DPYSL4: variants seen among roughly 807,000 people sequenced by gnomAD.
DPYSL4 encodes the protein dihydropyrimidinase-related protein 4.
In DPYSL4, 43 loss-of-function variants were observed where a neutral mutation model predicts 63.4. That is an observed-to-expected ratio of 0.68 (90% CI 0.53 to 0.88). The LOEUF is 0.88. Ranked by LOEUF, DPYSL4 falls within the 40% of genes least tolerant of loss-of-function variation. The probability of loss-of-function intolerance (pLI) is 0.00; values close to 1 mark genes in which losing one functional copy is unlikely to be tolerated. For missense variants in DPYSL4, 733 were observed against 819.5 expected (o/e 0.89, Z 1.29); for synonymous variants, 353 against 331.7 (o/e 1.06, Z -0.70).
chr10:132,188,144 G>T (rs1392437852), intron 1 of DPYSL4, among the ~76,000 whole-genome samples: 1 of 152,172 alleles, frequency 6.6e-6, no homozygotes, highest in East Asian at 1.9e-4. Flanking sequence ...GCATGTGGGG[G>T]TCGAGTTTGG....
chr10:132,202,556 T>G, intron 11 of DPYSL4, 90 bp from the exon 12 acceptor site: 1 of 1,536,590 alleles, frequency 6.5e-7, no homozygotes, highest in Non-Finnish European at 8.8e-7. Context: ...TGCTCCACGC[T>G]GGGCGGCCAC....
intron 4 of DPYSL4, among the ~76,000 whole-genome samples, chr10:132,196,636 G>T (rs1030767721): frequency 2.0e-5 from 3 of 152,228 alleles, no homozygotes; most frequent in Non-Finnish European, 4.4e-5. Context: ...CGGAGCACAG[G>T]AGCAGGCAAG....
Position 132,201,119 on chromosome 10 carries a change from G to A in DPYSL4, c.1110+136G>A, listed in dbSNP as rs570392130. ...CAGAGCACACGGGCTCCGGGGTGGCGGATTCCCCACCCAGGGCGCCTCAGA... is the reference window on the plus strand; with the variant it reads ...CAGAGCACACGGGCTCCGGGGTGGCAGATTCCCCACCCAGGGCGCCTCAGA... On this transcript the variant is annotated intron_variant, in intron 10 of 13. Coordinates refer to ENST00000338492, the MANE Select transcript of DPYSL4 (RefSeq NM_006426.3). 1.6e-3 allele frequency: 2,176 copies of A among 1,318,976 alleles called. 30 individuals are homozygous for A. In the South Asian group the frequency reaches 0.019, roughly 11 times the overall value. The allele number at this position is 1,318,976 out of a possible 1,614,324, so 81.7% of individuals were successfully genotyped here. A position where few individuals can be genotyped will look rare whatever the true frequency, so the allele number is the denominator to read the frequency against.
In DPYSL4 at chr10:132,195,015, G is replaced by A. The variant is rs751804882; in HGVS notation, c.478+6G>A. ...GGCCCTGGTCAAGGAGAAGGGTGAG[G>A]GTGGCTGGAGGGGCTGGAGGGCGGG... On this transcript the variant is annotated splice_donor_region_variant and intron_variant, in intron 4 of 13. Transcript: ENST00000338492. The A allele has an allele frequency of 1.2e-6, 2 of 1,600,182 alleles. No homozygotes were observed. The highest frequency in any genetic ancestry group is 1.7e-6 in the Non-Finnish European group (2 of 1,179,174).
intron 1 of DPYSL4, among the ~76,000 whole-genome samples, chr10:132,188,644 C>T (rs2818423): frequency 0.089 from 13,541 of 152,250 alleles, 662 homozygotes; most frequent in Middle Eastern, 0.13. Flanking sequence ...ACAACCAGCC[C>T]GAGAGTAAAT....
At chr10:132,198,305 C>G (rs545259564) in intron 6 of DPYSL4, 110 bp from the exon 7 acceptor site, 1 of 1,039,266 alleles carries the variant, frequency 9.6e-7, no homozygotes, top group East Asian at 2.6e-5. Flanking sequence ...TCTGGGAGGC[C>G]TGGGGGTCCA....
At chr10:132,188,270 G>GCCCCACA (rs1370597294) in intron 1 of DPYSL4, among the ~76,000 whole-genome samples, 2 of 152,310 alleles carry the variant, frequency 1.3e-5, no homozygotes, top group African/African-American at 2.4e-5. Flanking sequence ...GAAGAGCACA[G>GCCCCACA]CCCCACACCC....
chr10:132,188,884 T>A (rs1422649038), intron 1 of DPYSL4, among the ~76,000 whole-genome samples: 1 of 152,130 alleles, frequency 6.6e-6, no homozygotes, highest in East Asian at 1.9e-4. Context: ...TGAAGAGAGG[T>A]AGAGGGTTGG....
intron 1 of DPYSL4, 120 bp downstream of exon 1, chr10:132,187,222 C>A: frequency 9.1e-6 from 6 of 659,536 alleles, no homozygotes; most frequent in South Asian, 2.2e-5. Flanking sequence ...TGCGTCTGGT[C>A]CCTGTCCTGG....
intron 1 of DPYSL4, among the ~76,000 whole-genome samples, chr10:132,187,804 C>T (rs1052617763): frequency 2.0e-5 from 3 of 152,234 alleles, no homozygotes; most frequent in Admixed American, 2.0e-4. Context: ...CCCACACGCA[C>T]CGGCGCGGGA....
Position 132,198,591 on chromosome 10 carries a change from C to T in DPYSL4, c.690+108C>T, listed in dbSNP as rs181264296. 2,033 of 1,213,550 alleles carry T rather than the reference C, an allele frequency of 1.7e-3. 6 individuals are homozygous for T. Among genetic ancestry groups the T allele is most frequent in the African/African-American group, 8.9e-3 (590 of 66,158 alleles). The allele number at this position is 1,213,550 out of a possible 1,614,324, so 75.2% of individuals were successfully genotyped here. On this transcript the variant is annotated intron_variant, in intron 7 of 13. Transcript: ENST00000338492. ...GGGCTCCTGGCCCTGCCACTGTGCT[C>T]GCCCCGACCTCATCTGGGAGGCGTG...
chr10:132,205,087 G>T lies in DPYSL4; in HGVS notation c.*157G>T. On this transcript the variant is annotated 3_prime_UTR_variant, in exon 14 of 14. Coordinates refer to ENST00000338492, the MANE Select transcript of DPYSL4 (RefSeq NM_006426.3). ...CCTCCCCACAGGCTCTCCTTGTGGG[G>T]TCCCAGGTCCTGCTGCCAAGAGCCC... The T allele has an allele frequency of 5.8e-6, 3 of 518,224 alleles. No homozygotes were observed. The highest frequency in any genetic ancestry group is 9.9e-6 in the Non-Finnish European group (3 of 302,594). 32.1% of individuals were successfully genotyped at this position (518,224 alleles called of 1,614,324 possible). A position where few individuals can be genotyped will look rare whatever the true frequency, so the allele number is the denominator to read the frequency against.
At position 132,198,943 on chromosome 10, in the gene DPYSL4, C is replaced by G. The variant is rs550961128; in HGVS notation, c.783C>G (p.Ala261=). Residue 261 remains alanine (A), a synonymous_variant, in exon 8 of 14, where the codon GCC becomes GCG. Transcript: ENST00000338492. ...YVTKVMSKGA[A]DAIAQAKRRG... is the part of the protein sequence containing the mutation. ...CCAAGGTGATGAGCAAGGGGGCGGC[C>G]GACGCCATCGCTCAGGCCAAGCGCA... is the stretch of plus-strand genomic sequence containing the variant. 3 of 1,612,620 alleles carry G rather than the reference C, an allele frequency of 1.9e-6. No individual in the cohort carries two copies. Among genetic ancestry groups the G allele is most frequent in the Non-Finnish European group, 2.5e-6 (3 of 1,179,834 alleles).
At chr10:132,187,568 C>T (rs116720306) in intron 1 of DPYSL4, among the ~76,000 whole-genome samples, 2,896 of 152,290 alleles carry the variant, frequency 0.019, 95 homozygotes, top group African/African-American at 0.065. Flanking sequence ...GTTCCCGGCG[C>T]AGCCCGTGGG....
chr10:132,193,510 G>A (rs2061903804), intron 3 of DPYSL4, among the ~76,000 whole-genome samples: 1 of 152,234 alleles, frequency 6.6e-6, no homozygotes, highest in African/African-American at 2.4e-5. Flanking sequence ...AGCACGTGGT[G>A]AGCTCAGGAG....
At chr10:132,200,322 C>T (rs368911216) in intron 8 of DPYSL4, 34 bp from the exon 9 acceptor site, 21 of 1,608,928 alleles carry the variant, frequency 1.3e-5, no homozygotes, top group Middle Eastern at 1.7e-4. Context: ...TGCAGGTGGT[C>T]GGTGGGGCAC....
chr10:132,203,120 A>G (rs2062041964), intron 12 of DPYSL4, among the ~76,000 whole-genome samples: 1 of 152,224 alleles, frequency 6.6e-6, no homozygotes, highest in South Asian at 2.1e-4. Flanking sequence ...GAGAAAATAC[A>G]GATATAAAGT....
rs376596736 is a variant in DPYSL4 at position 132,203,812 on chromosome 10, C to T, written c.1512C>T (p.His504=). 9.9e-6 allele frequency: 16 copies of T among 1,612,626 alleles called. No homozygotes were observed. The highest frequency in any genetic ancestry group is 1.3e-5 in the African/African-American group (1 of 75,052). Residue 504 remains histidine, a synonymous_variant, in exon 13 of 14, where the codon CAC becomes CAT. Coordinates refer to ENST00000338492, the MANE Select transcript of DPYSL4 (RefSeq NM_006426.3). ...VPRGLYDGPV[H]EVMVPAKPGS... ...GTGGACTGTATGACGGGCCCGTCCA[C>T]GAGGTGATGGTGCCTGCCAAGCCAG... is the stretch of plus-strand genomic sequence containing the variant.
In DPYSL4 at chr10:132,205,257, G is replaced by A. The variant is rs2137529345; in HGVS notation, c.*327G>A. ...GGACAGGGAACCTGCCGGGCTCACAGTGTGGGAGCAGCTGGACACCAGGCT... is the reference window on the plus strand; with the variant it reads ...GGACAGGGAACCTGCCGGGCTCACAATGTGGGAGCAGCTGGACACCAGGCT... On this transcript the variant is annotated 3_prime_UTR_variant, in exon 14 of 14. Coordinates refer to ENST00000338492, the MANE Select transcript of DPYSL4 (RefSeq NM_006426.3). 1 of 229,052 alleles carries A rather than the reference G, an allele frequency of 4.4e-6. No individual in the cohort carries two copies. The highest frequency in any genetic ancestry group is 1.5e-4 in the South Asian group (1 of 6,598). The allele number at this position is 229,052 out of a possible 1,614,324, so 14.2% of individuals were successfully genotyped here.
Sources: allele counts gnomAD v4.1 joint callset (sites outside exome capture counted in the v4.1 genomes callset), GRCh38; gene constraint gnomAD v4.1.1; transcripts MANE v1.5; gene names NCBI Gene and HGNC (gene_info 2026-07-23, HGNC 2026-07-21).